Variants in INPP5A observed in about 807,000 individuals in gnomAD.
INPP5A encodes inositol polyphosphate-5-phosphatase A.
INPP5A carries 14 observed loss-of-function variants against 65.2 expected under a neutral mutation model. The observed-to-expected ratio is 0.21, with a 90% CI of 0.14 to 0.34. The LOEUF is 0.34. Among genes scored for constraint, INPP5A ranks in the 10% least tolerant of loss-of-function variants. The pLI, the probability that INPP5A is intolerant of heterozygous loss-of-function variation, is 1.00. For missense variants in INPP5A, 431 were observed against 545.6 expected, an observed-to-expected ratio of 0.79 and a Z score of 2.09; for synonymous variants, 207 against 208.3, an observed-to-expected ratio of 0.99 and a Z score of 0.05.
intron 9 of INPP5A, among the ~76,000 whole-genome samples, chr10:132,745,528 T>C (rs1846353655): frequency 6.6e-6 from 1 of 152,236 alleles, no homozygotes; most frequent in African/African-American, 2.4e-5. Flanking sequence ...TGGGCCCTGC[T>C]GGGACCTTCC....
Position 132,659,715 on chromosome 10 carries a change from C to T in INPP5A, c.306+9210C>T, listed in dbSNP as rs945689527. 2.0e-5 allele frequency among the ~76,000 whole-genome samples: 3 copies of T among 152,226 alleles called. No homozygotes were observed. Among genetic ancestry groups the T allele is most frequent in the African/African-American group, 7.2e-5 (3 of 41,456 alleles). On this transcript the variant is annotated intron_variant, in intron 4 of 15. Coordinates refer to ENST00000368594, the MANE Select transcript of INPP5A (RefSeq NM_005539.5). The surrounding 1 kb of genome is among the most constrained non-coding windows in gnomAD (Gnocchi z 5.5). ...TCAGGAGAACAACCCACTTGGCAGG[C>T]GGCAACCTTGCCTGGCACTCACCAG...
intron 2 of INPP5A, among the ~76,000 whole-genome samples, chr10:132,642,469 G>A (rs1212932148): frequency 2.0e-5 from 3 of 152,224 alleles, no homozygotes; most frequent in Non-Finnish European, 4.4e-5. Context: ...CCTTACTCCT[G>A]CCGTGACAGC....
rs1024880601 is a variant in INPP5A, at chr10:132,548,234, A to G, written c.75+10063A>G. ...TGGGTGGAGGGGTGGGGTGGGGCCA[A>G]TGCAGCTGGAAGGGAGTTGGAGGAG... On this transcript the variant is annotated intron_variant, in intron 1 of 15. Coordinates refer to ENST00000368594, the MANE Select transcript of INPP5A (RefSeq NM_005539.5). Among the ~76,000 whole-genome samples, 4 of 152,108 alleles carry G rather than the reference A, an allele frequency of 2.6e-5. No homozygotes were observed. In the East Asian group the frequency reaches 5.8e-4, roughly 22 times the overall value.
chr10:132,759,011 T>C (rs905363974), intron 11 of INPP5A, among the ~76,000 whole-genome samples: 2 of 152,248 alleles, frequency 1.3e-5, no homozygotes, highest in African/African-American at 4.8e-5. Flanking sequence ...AACAGTGATA[T>C]TGAACTCTGT....
intron 8 of INPP5A, among the ~76,000 whole-genome samples, chr10:132,726,209 C>T (rs1440153445): frequency 1.3e-5 from 2 of 152,230 alleles, no homozygotes; most frequent in East Asian, 3.8e-4. Context: ...CATACACACA[C>T]GTATGCAGCC....
At chr10:132,692,187 G>A (rs941548655) in intron 5 of INPP5A, among the ~76,000 whole-genome samples, 1 of 152,138 alleles carries the variant, frequency 6.6e-6, no homozygotes, top group Non-Finnish European at 1.5e-5. Flanking sequence ...ATGTGCACAC[G>A]CGGCTGAGGG....
At chr10:132,688,170 A>G (rs1256660015) in intron 4 of INPP5A, among the ~76,000 whole-genome samples, 1 of 152,198 alleles carries the variant, frequency 6.6e-6, no homozygotes, top group African/African-American at 2.4e-5. Flanking sequence ...CCAGGGGCCC[A>G]GGGGGCTGCA....
intron 11 of INPP5A, among the ~76,000 whole-genome samples, chr10:132,763,837 A>G (rs1479435913): frequency 6.6e-6 from 1 of 152,208 alleles, no homozygotes; most frequent in African/African-American, 2.4e-5. Flanking sequence ...CTGCATGCAA[A>G]CACACACATG....
chr10:132,575,648 T>C lies in INPP5A; in HGVS notation c.76-32267T>C, dbSNP rs182621333. On this transcript the variant is annotated intron_variant, in intron 1 of 15. Coordinates refer to ENST00000368594, the MANE Select transcript of INPP5A (RefSeq NM_005539.5). This position sits in a 1 kb window ranked among gnomAD's most constrained non-coding sequence, Gnocchi z 5.4. ...ATTTGAAATCCGTAAACAGTGTTTA[T>C]CTTGGCGAGGAGGAATCCTGCACCA... Among the ~76,000 whole-genome samples, 353 of 152,324 alleles carry C rather than the reference T, an allele frequency of 2.3e-3. No homozygotes were observed. The highest frequency in any genetic ancestry group is 8.1e-3 in the African/African-American group (337 of 41,568).
intron 1 of INPP5A, among the ~76,000 whole-genome samples, chr10:132,539,141 CA>C (rs2070878559): frequency 6.6e-6 from 1 of 152,126 alleles, no homozygotes; most frequent in South Asian, 2.1e-4. Context: ...GCAGAATTCC[CA>C]AACCCTAACC....
In INPP5A at chr10:132,690,462, C is replaced by T. The variant is rs952447663; in HGVS notation, c.370+7C>T. 4 of 1,606,776 alleles carry T rather than the reference C, an allele frequency of 2.5e-6. No homozygotes were observed. Among genetic ancestry groups the T allele is most frequent in the Admixed American group, 3.3e-5 (2 of 60,004 alleles). On this transcript the variant is annotated splice_region_variant and intron_variant, in intron 5 of 15. Transcript: ENST00000368594. ...TACCAGTTTGACTTTAAAGGTAAGA[C>T]TGCGTGCCGTCTTCCGGGATTTTGT...
chr10:132,745,066 G>T (rs1180995988), intron 9 of INPP5A, among the ~76,000 whole-genome samples: 1 of 152,204 alleles, frequency 6.6e-6, no homozygotes, highest in Non-Finnish European at 1.5e-5. Flanking sequence ...CCACAGAGGT[G>T]CATTTGCCTC....
rs982804490 is a variant in INPP5A, at chr10:132,741,341, C to T, written c.733-8176C>T. Among the ~76,000 whole-genome samples, 4 of 152,220 alleles carry T rather than the reference C, an allele frequency of 2.6e-5. No homozygotes were observed. Among genetic ancestry groups the T allele is most frequent in the South Asian group, 2.1e-4 (1 of 4,836 alleles). ...TCCGCAGCCTAACAGTGGGCAGCTC[C>T]GTGTCTGTGGGTCACAAGTGGTTGG... On this transcript the variant is annotated intron_variant, in intron 9 of 15. Coordinates refer to ENST00000368594, the MANE Select transcript of INPP5A (RefSeq NM_005539.5). This position sits in a 1 kb window ranked among gnomAD's most constrained non-coding sequence, Gnocchi z 4.4.
chr10:132,613,237 G>C (rs2071983505), intron 2 of INPP5A, among the ~76,000 whole-genome samples: 1 of 152,098 alleles, frequency 6.6e-6, no homozygotes, highest in Non-Finnish European at 1.5e-5. Flanking sequence ...GCAGCCCCTG[G>C]AACGCCACGG....
intron 2 of INPP5A, among the ~76,000 whole-genome samples, chr10:132,623,620 A>C (rs184112472): frequency 2.6e-4 from 39 of 152,356 alleles, no homozygotes; most frequent in South Asian, 4.1e-4. Flanking sequence ...CAAAAGCACA[A>C]TTAATAAAAG....
intron 6 of INPP5A, among the ~76,000 whole-genome samples, chr10:132,703,058 GC>G (rs1027196425): frequency 2.0e-5 from 3 of 152,090 alleles, no homozygotes; most frequent in Non-Finnish European, 2.9e-5. Flanking sequence ...CCCGTTGGGT[GC>G]CCCCCACCCT....
chr10:132,674,822 T>C lies in INPP5A; in HGVS notation c.307-15570T>C, dbSNP rs1476972435. On this transcript the variant is annotated intron_variant, in intron 4 of 15. Transcript: ENST00000368594. This position sits in a 1 kb window ranked among gnomAD's most constrained non-coding sequence, Gnocchi z 4.4. ...CAAAGCCCAGTAACAGGCCAAGAGCTGTCTCTCAAAAGGAGAGTAGTTACC... is the reference window on the plus strand; with the variant it reads ...CAAAGCCCAGTAACAGGCCAAGAGCCGTCTCTCAAAAGGAGAGTAGTTACC... Among the ~76,000 whole-genome samples, 1 of 152,208 alleles carries C rather than the reference T, an allele frequency of 6.6e-6. No homozygotes were observed. The highest frequency in any genetic ancestry group is 2.4e-5 in the African/African-American group (1 of 41,462).
intron 1 of INPP5A, among the ~76,000 whole-genome samples, chr10:132,570,495 G>T (rs1027687594): frequency 3.9e-5 from 6 of 152,154 alleles, no homozygotes; most frequent in Non-Finnish European, 8.8e-5. Flanking sequence ...GGGTGGCAAG[G>T]CTTCTCTAGC....
chr10:132,659,598 A>G lies in INPP5A; in HGVS notation c.306+9093A>G, dbSNP rs1271660216. Among the ~76,000 whole-genome samples, 1 of 152,210 alleles carries G rather than the reference A, an allele frequency of 6.6e-6. No individual in the cohort carries two copies. Among genetic ancestry groups the G allele is most frequent in the African/African-American group, 2.4e-5 (1 of 41,458 alleles). On this transcript the variant is annotated intron_variant, in intron 4 of 15. Coordinates refer to ENST00000368594, the MANE Select transcript of INPP5A (RefSeq NM_005539.5). This position sits in a 1 kb window ranked among gnomAD's most constrained non-coding sequence, Gnocchi z 5.5. ...GCCCTGGTCCAGCTGCTGCACAGCC[A>G]TGGGTATTCTGTGCTGAGCGCCGTG... is the stretch of plus-strand genomic sequence containing the variant.
Sources: gnomAD v4.1 joint callset for allele counts (sites outside exome capture counted in the v4.1 genomes callset) on GRCh38, gnomAD v4.1.1 for gene constraint, Gnocchi (gnomAD v3.1) non-coding constraint, MANE v1.5 for transcripts, NCBI Gene and HGNC (gene_info 2026-07-23, HGNC 2026-07-21) for gene names.